The following CDH18 variants were observed in gnomAD, a reference collection of about 807,000 sequenced individuals.
The protein encoded by CDH18 is cadherin-18.
CDH18 carries 31 observed loss-of-function variants against 67.9 expected under a neutral mutation model. The ratio of observed to expected loss-of-function variants is 0.46; its 90% CI spans 0.34 to 0.62. CDH18 has a LOEUF of 0.62. Among genes scored for constraint, CDH18 ranks in the 20% least tolerant of loss-of-function variants. The pLI, the probability that CDH18 is intolerant of heterozygous loss-of-function variation, is 0.01. For missense variants in CDH18, 890 were observed against 975.5 expected, an observed-to-expected ratio of 0.91 and a Z score of 1.17; for synonymous variants, 362 against 347.2, an observed-to-expected ratio of 1.04 and a Z score of -0.48.
chr5:19,513,757 A>G (rs1030373794), intron 10 of CDH18, among the ~76,000 whole-genome samples: 13 of 152,164 alleles, frequency 8.5e-5, no homozygotes, highest in Admixed American at 8.5e-4. Flanking sequence ...ACTTATTTAC[A>G]TTATCATTTC....
chr5:19,990,240 A>G (rs1201875245), upstream of CDH18, among the ~76,000 whole-genome samples: 1 of 152,220 alleles, frequency 6.6e-6, no homozygotes, highest in East Asian at 1.9e-4. Flanking sequence ...GTTAAAATTC[A>G]CGTTATGACA....
At chr5:19,920,439 A>T (rs985434418) in intron 2 of CDH18, among the ~76,000 whole-genome samples, 1 of 151,640 alleles carries the variant, frequency 6.6e-6, no homozygotes, top group Non-Finnish European at 1.5e-5. Context: ...AGAATCACCA[A>T]TTATCCGATT....
At chr5:19,719,109 C>A (rs1194628752) in intron 5 of CDH18, among the ~76,000 whole-genome samples, 1 of 151,984 alleles carries the variant, frequency 6.6e-6, no homozygotes, top group African/African-American at 2.4e-5. Context: ...CATTCAGACA[C>A]ATGAACACAC....
At chr5:20,164,133 A>G (rs1050429220) in intron 2 of CDH18, among the ~76,000 whole-genome samples, 2 of 152,288 alleles carry the variant, frequency 1.3e-5, no homozygotes, top group East Asian at 1.9e-4. Context: ...TGTCTTTGCT[A>G]CTTTTATTGG....
chr5:20,511,164 G>A (rs1169448127), intron 1 of CDH18, among the ~76,000 whole-genome samples: 1 of 152,030 alleles, frequency 6.6e-6, no homozygotes, highest in Non-Finnish European at 1.5e-5. Flanking sequence ...GAATTTGCAT[G>A]CAAAATACCA....
intron 2 of CDH18, among the ~76,000 whole-genome samples, chr5:19,971,081 T>C (rs145402997): frequency 3.7e-4 from 57 of 152,044 alleles, no homozygotes; most frequent in Admixed American, 2.8e-3. Flanking sequence ...GTCTTGAAAA[T>C]AGCTCATTTT....
intron 1 of CDH18, among the ~76,000 whole-genome samples, chr5:20,303,715 G>A (rs1208215421): frequency 6.6e-6 from 1 of 152,126 alleles, no homozygotes; most frequent in Non-Finnish European, 1.5e-5. Context: ...CCCACGGGTT[G>A]TAAGAGCCTT....
chr5:20,232,342 G>C (rs1742143519), intron 2 of CDH18, among the ~76,000 whole-genome samples: 2 of 152,070 alleles, frequency 1.3e-5, no homozygotes, highest in Admixed American at 6.6e-5. Flanking sequence ...GAAGAGAAAG[G>C]CTGAACCTAC....
chr5:20,004,385 G>A (rs1312830676), intron 2 of CDH18, among the ~76,000 whole-genome samples: 2 of 152,168 alleles, frequency 1.3e-5, no homozygotes, highest in African/African-American at 2.4e-5. Flanking sequence ...TGCTAAAGGA[G>A]GTCTAAATAT....
intron 2 of CDH18, among the ~76,000 whole-genome samples, chr5:20,067,108 G>C (rs1190368413): frequency 6.6e-6 from 1 of 151,822 alleles, no homozygotes; most frequent in Non-Finnish European, 1.5e-5. Flanking sequence ...CAATAAGCCA[G>C]AGATTATTTA....
At chr5:19,936,354 T>C (rs1355022845) in intron 2 of CDH18, among the ~76,000 whole-genome samples, 2 of 151,360 alleles carry the variant, frequency 1.3e-5, no homozygotes, top group African/African-American at 4.8e-5. Context: ...TGTTTGTTTC[T>C]CTGGCTAAAA....
intron 1 of CDH18, among the ~76,000 whole-genome samples, chr5:20,265,568 T>A (rs565063363): frequency 1.3e-5 from 2 of 151,896 alleles, no homozygotes; most frequent in African/African-American, 4.8e-5. Flanking sequence ...AGACCAAGAC[T>A]GAAGGAGTAT....
chr5:20,017,825 A>G (rs1172834041), intron 2 of CDH18, among the ~76,000 whole-genome samples: 2 of 152,328 alleles, frequency 1.3e-5, no homozygotes, highest in South Asian at 2.1e-4. Context: ...GCTGTTAAGG[A>G]TGTTCACATC....
At chr5:19,634,128 T>C (rs188255743) in intron 5 of CDH18, among the ~76,000 whole-genome samples, 113 of 152,358 alleles carry the variant, frequency 7.4e-4, no homozygotes, top group Admixed American at 1.5e-3. Context: ...AGAAATTGAA[T>C]TGAAAACCTA....
chr5:20,422,207 T>C (rs187830489), intron 1 of CDH18, among the ~76,000 whole-genome samples: 1 of 141,848 alleles, frequency 7.0e-6, no homozygotes, highest in African/African-American at 3.2e-5. Context: ...AAAAATAGCC[T>C]TTTAACTTTT....
chr5:20,350,617 T>C (rs1489666640), intron 1 of CDH18, among the ~76,000 whole-genome samples: 3 of 152,146 alleles, frequency 2.0e-5, no homozygotes, highest in Non-Finnish European at 4.4e-5. Flanking sequence ...TTCTCATGCA[T>C]TGATGAGTTA....
intron 9 of CDH18, among the ~76,000 whole-genome samples, 173 bp downstream of exon 9, chr5:19,543,696 A>C (rs1323466813): frequency 6.6e-6 from 1 of 152,188 alleles, no homozygotes; most frequent in Non-Finnish European, 1.5e-5. Context: ...GGAGGAAGGC[A>C]TAAGACTTAT....
chr5:20,328,496 TGTGTGTGTGTGTGAGAGA>T (rs1428857298), intron 1 of CDH18, among the ~76,000 whole-genome samples: 1 of 151,096 alleles, frequency 6.6e-6, no homozygotes, highest in African/African-American at 2.5e-5. Context: ...TGTGTGTGTG[TGTGTGTGTGTGTGAGAGA>T]GAGAGAGAGA....
At chr5:20,424,493 T>C (rs1184996556) in intron 1 of CDH18, among the ~76,000 whole-genome samples, 1 of 150,502 alleles carries the variant, frequency 6.6e-6, no homozygotes, top group Non-Finnish European at 1.5e-5. Flanking sequence ...GGCTGACACC[T>C]GTAATCCCAG....
Sources: gnomAD v4.1 joint callset for allele counts (sites outside exome capture counted in the v4.1 genomes callset) on GRCh38, gnomAD v4.1.1 for gene constraint, MANE v1.5 for transcripts, NCBI Gene and HGNC (gene_info 2026-07-23, HGNC 2026-07-21) for gene names.